The following PACRG variants were observed in gnomAD, a reference collection of about 807,000 sequenced individuals.
PACRG encodes parkin coregulated gene protein.
PACRG carries 29 observed loss-of-function variants against 29.7 expected under a neutral mutation model. That is an observed-to-expected ratio of 0.98 (90% CI 0.73 to 1.33). PACRG has a LOEUF of 1.33. Ranked by LOEUF, PACRG falls within the 40% of genes most tolerant of loss-of-function variation. The pLI is 0.00. For missense variants in PACRG, 279 were observed against 316.2 expected, an observed-to-expected ratio of 0.88 and a Z score of 0.89; for synonymous variants, 116 against 118.7, an observed-to-expected ratio of 0.98 and a Z score of 0.15.
upstream of PACRG, chr6:162,727,625 G>C: frequency 1.3e-6 from 2 of 1,575,052 alleles, no homozygotes; most frequent in Non-Finnish European, 8.6e-7. Context: ...GGCGTGGGGC[G>C]GCGCAGAGAG....
At chr6:162,899,888 GTTCC>G (rs1183038615) in intron 2 of PACRG, among the ~76,000 whole-genome samples, 2 of 152,178 alleles carry the variant, frequency 1.3e-5, no homozygotes, top group African/African-American at 4.8e-5. Context: ...GAAATAACCT[GTTCC>G]AGGTCTGAGC....
chr6:162,945,449 G>T (rs1798935171), intron 2 of PACRG, among the ~76,000 whole-genome samples: 2 of 151,858 alleles, frequency 1.3e-5, no homozygotes. Flanking sequence ...CAACAAGAGG[G>T]GTAACAATTT....
intron 1 of PACRG, among the ~76,000 whole-genome samples, chr6:162,784,906 A>G (rs1447642394): frequency 2.6e-5 from 4 of 152,106 alleles, no homozygotes; most frequent in Non-Finnish European, 5.9e-5. Flanking sequence ...GAAAAATGGG[A>G]ATGGAGATGT....
At chr6:162,782,080 A>G (rs926700431) in intron 1 of PACRG, among the ~76,000 whole-genome samples, 2 of 151,982 alleles carry the variant, frequency 1.3e-5, no homozygotes, top group East Asian at 3.9e-4. Context: ...AAGATAAAAT[A>G]TGTGAACACT....
chr6:162,944,583 C>T (rs1410843735), intron 2 of PACRG, among the ~76,000 whole-genome samples: 1 of 151,848 alleles, frequency 6.6e-6, no homozygotes, highest in African/African-American at 2.4e-5. Context: ...ATCAGAAAAG[C>T]AATTCAGGAT....
chr6:162,830,219 G>A (rs1250034832), intron 2 of PACRG, among the ~76,000 whole-genome samples: 1 of 152,000 alleles, frequency 6.6e-6, no homozygotes, highest in Non-Finnish European at 1.5e-5. Flanking sequence ...GTGCTTCTTG[G>A]GGCCCTGGGG....
At chr6:162,744,421 A>G (rs751182624) in intron 1 of PACRG, among the ~76,000 whole-genome samples, 1 of 151,946 alleles carries the variant, frequency 6.6e-6, no homozygotes, top group Non-Finnish European at 1.5e-5. Flanking sequence ...ACATAGCCAG[A>G]CCCCCGTCTA....
intron 3 of PACRG, among the ~76,000 whole-genome samples, chr6:163,074,544 A>T (rs1032639348): frequency 2.0e-5 from 3 of 152,194 alleles, no homozygotes; most frequent in Non-Finnish European, 2.9e-5. Flanking sequence ...ATTTTTAAAT[A>T]ACTAAAAGAG....
intron 2 of PACRG, among the ~76,000 whole-genome samples, chr6:162,971,470 C>T (rs578150744): frequency 6.6e-6 from 1 of 152,272 alleles, no homozygotes; most frequent in African/African-American, 2.4e-5. Context: ...TGGGAGGAAA[C>T]CAGTCAGTGT....
chr6:162,881,999 G>C (rs916451185), intron 2 of PACRG, among the ~76,000 whole-genome samples: 6 of 136,324 alleles, frequency 4.4e-5, no homozygotes, highest in Non-Finnish European at 9.3e-5. Flanking sequence ...AGAGACCCTG[G>C]GGCACTCTCC....
chr6:163,101,257 C>T (rs1006426303), intron 4 of PACRG: 3 of 981,154 alleles, frequency 3.1e-6, no homozygotes, highest in African/African-American at 1.8e-5. Context: ...ATTTAAAAAA[C>T]AAGATGTAAT....
intron 4 of PACRG, among the ~76,000 whole-genome samples, chr6:163,179,607 G>A (rs1423149016): frequency 2.6e-5 from 4 of 151,776 alleles, no homozygotes; most frequent in Non-Finnish European, 5.9e-5. Flanking sequence ...TCGGGAGGCC[G>A]AGATGGGAGA....
intron 4 of PACRG, among the ~76,000 whole-genome samples, chr6:163,228,233 T>G (rs1781883159): frequency 6.6e-6 from 1 of 152,088 alleles, no homozygotes; most frequent in South Asian, 2.1e-4. Flanking sequence ...CAATGGATTC[T>G]TCAAATGAGA....
chr6:162,785,235 G>A (rs899633762), intron 1 of PACRG, among the ~76,000 whole-genome samples: 1 of 151,282 alleles, frequency 6.6e-6, no homozygotes, highest in Non-Finnish European at 1.5e-5. Flanking sequence ...GGGCAAGGAA[G>A]CAATGAAACA....
At chr6:162,981,301 A>T (rs901572037) in intron 2 of PACRG, among the ~76,000 whole-genome samples, 2 of 142,860 alleles carry the variant, frequency 1.4e-5, no homozygotes, top group Admixed American at 1.4e-4. Flanking sequence ...ATATATATAT[A>T]TATATTTACA....
chr6:162,947,638 A>G (rs1419389548), intron 2 of PACRG, among the ~76,000 whole-genome samples: 3 of 82,290 alleles, frequency 3.6e-5, no homozygotes, highest in African/African-American at 1.5e-4. Flanking sequence ...ATATATATAT[A>G]TATATATATA....
chr6:163,232,516 A>T (rs1286616498), intron 4 of PACRG, among the ~76,000 whole-genome samples: 2 of 152,162 alleles, frequency 1.3e-5, no homozygotes, highest in Non-Finnish European at 2.9e-5. Context: ...CAGTAAGGGA[A>T]GGGAAAGGTG....
chr6:162,996,340 C>A (rs1804045662), intron 2 of PACRG, among the ~76,000 whole-genome samples: 2 of 152,014 alleles, frequency 1.3e-5, no homozygotes, highest in Non-Finnish European at 2.9e-5. Flanking sequence ...GGCAAAAATA[C>A]AATAAAATCA....
intron 3 of PACRG, among the ~76,000 whole-genome samples, chr6:163,082,596 A>G (rs1477571088): frequency 1.3e-5 from 2 of 152,200 alleles, no homozygotes; most frequent in African/African-American, 4.8e-5. Flanking sequence ...TGTCTATGGA[A>G]AAGATAGTCC....
Sources: gnomAD v4.1 joint callset for allele counts (sites outside exome capture counted in the v4.1 genomes callset) on GRCh38, gnomAD v4.1.1 for gene constraint, MANE v1.5 for transcripts, NCBI Gene and HGNC (gene_info 2026-07-23, HGNC 2026-07-21) for gene names.